DMD: variants seen among roughly 807,000 people sequenced by gnomAD.
DMD encodes the protein dystrophin.
Under a neutral mutation model 330.1 loss-of-function variants are expected in DMD, and 63 were observed. The ratio of observed to expected loss-of-function variants is 0.19; its 90% CI spans 0.16 to 0.24. DMD has a LOEUF of 0.24. Among genes scored for constraint, DMD ranks in the 10% least tolerant of loss-of-function variants. The pLI is 1.00. For synonymous variants in DMD, 1,223 were observed against 959.8 expected (o/e 1.27, Z -5.07); for missense variants, 3,344 against 2,684.1 (o/e 1.25, Z -5.43).
At position 31,718,798 on chromosome X, in the gene DMD, C is replaced by T. The variant is rs150695377; in HGVS notation, c.7660+10833G>A. On this transcript the variant is annotated intron_variant, in intron 52 of 78. Transcript: ENST00000357033. ...TTATAGCAGCCTGAGCTTACTAAGA[C>T]ATTAATATTTGTATAGTGAGTAGCC... is the stretch of plus-strand genomic sequence containing the variant. Among the ~76,000 whole-genome samples, 977 of 111,929 alleles carry T rather than the reference C, an allele frequency of 8.7e-3. 5 individuals carry two copies. Among genetic ancestry groups the T allele is most frequent in the Non-Finnish European group, 0.014 (720 of 53,178 alleles).
intron 23 of DMD, among the ~76,000 whole-genome samples, chrX:32,466,874 C>T (rs1240264745): frequency 9.0e-6 from 1 of 111,529 alleles, no homozygotes; most frequent in Non-Finnish European, 1.9e-5. Context: ...TGAGACTAAT[C>T]CTGAACTTTT....
chrX:32,785,154 C>T (rs1209625697), intron 7 of DMD, among the ~76,000 whole-genome samples: 1 of 108,727 alleles, frequency 9.2e-6, no homozygotes, highest in African/African-American at 3.3e-5. Flanking sequence ...TGGAAAAAAT[C>T]TTAGTCTACT....
intron 41 of DMD, among the ~76,000 whole-genome samples, chrX:32,336,033 A>G (rs1363738569): frequency 9.7e-6 from 1 of 103,331 alleles, no homozygotes; most frequent in African/African-American, 3.6e-5. Context: ...ATATAACGTT[A>G]TATATAACGT....
chrX:32,735,519 T>C (rs2068335323), intron 7 of DMD, among the ~76,000 whole-genome samples: 1 of 111,222 alleles, frequency 9.0e-6, no homozygotes, highest in African/African-American at 3.3e-5. Flanking sequence ...CAAACTATAC[T>C]ACAAGGCTGC....
intron 9 of DMD, among the ~76,000 whole-genome samples, chrX:32,649,559 TAAAAAAAAAAAA>T (rs1161462889): frequency 3.7e-5 from 2 of 54,280 alleles, no homozygotes; most frequent in Non-Finnish European, 5.8e-5. Flanking sequence ...CCGTCTCTTT[TAAAAAAAAAAAA>T]AAAAAAAAAA....
intron 51 of DMD, among the ~76,000 whole-genome samples, chrX:31,753,963 A>G (rs752572166): frequency 2.7e-5 from 3 of 111,577 alleles, no homozygotes; most frequent in Non-Finnish European, 5.7e-5. Flanking sequence ...TTTTAAAAAC[A>G]CAATGAGATT....
At chrX:31,845,384 T>TCTCTCTCTCTCTCC (rs1646143147) in intron 48 of DMD, among the ~76,000 whole-genome samples, 2 of 39,786 alleles carry the variant, frequency 5.0e-5, no homozygotes, top group Non-Finnish European at 8.8e-5. Flanking sequence ...AGTCTCTCTC[T>TCTCTCTCTCTCTCC]CTCTCTCTCT....
intron 1 of DMD, among the ~76,000 whole-genome samples, chrX:33,052,909 A>T (rs1392489657): frequency 9.1e-6 from 1 of 110,481 alleles, no homozygotes; most frequent in Non-Finnish European, 1.9e-5. Context: ...GTCTGTATCA[A>T]AATATCTCAT....
chrX:32,524,215 T>C (rs1446458818), intron 17 of DMD, among the ~76,000 whole-genome samples: 1 of 111,720 alleles, frequency 9.0e-6, no homozygotes, highest in Non-Finnish European at 1.9e-5. Flanking sequence ...ATTACAGGCG[T>C]GAGCCACCGC....
At chrX:31,573,896 C>A (rs898277618) in intron 55 of DMD, among the ~76,000 whole-genome samples, 6 of 110,816 alleles carry the variant, frequency 5.4e-5, no homozygotes, top group African/African-American at 2.0e-4. Flanking sequence ...ACATACCAAG[C>A]CTTCACAATA....
chrX:33,096,124 G>A (rs917287205), intron 1 of DMD, among the ~76,000 whole-genome samples: 4 of 108,766 alleles, frequency 3.7e-5, no homozygotes, highest in Non-Finnish European at 7.6e-5. Flanking sequence ...ACAGGCGCCT[G>A]CCACCACGCC....
At chrX:31,784,304 C>T (rs978936394) in intron 50 of DMD, among the ~76,000 whole-genome samples, 1 of 111,697 alleles carries the variant, frequency 9.0e-6, no homozygotes, top group Admixed American at 9.5e-5. Flanking sequence ...GAGATATTAC[C>T]TCACAACCAT....
At position 31,546,919 on chromosome X, in the gene DMD, C is replaced by T. The variant is rs753323197; in HGVS notation, c.8218-39466G>A. Among the ~76,000 whole-genome samples, 10 of 112,439 alleles carry T rather than the reference C, an allele frequency of 8.9e-5. No homozygotes were observed. In the East Asian group the frequency reaches 1.1e-3, roughly 13 times the overall value. ...AATGAAGGAATGAAGAATGAATGAA[C>T]GGCTATTGAAAGATATCAATCTTCA... On this transcript the variant is annotated intron_variant, in intron 55 of 78. Coordinates refer to ENST00000357033, the MANE Select transcript of DMD (RefSeq NM_004006.3).
At chrX:32,295,426 C>T (rs753799846) in intron 42 of DMD, among the ~76,000 whole-genome samples, 2 of 112,023 alleles carry the variant, frequency 1.8e-5, no homozygotes, top group Non-Finnish European at 3.8e-5. Flanking sequence ...AGCCATGTGG[C>T]TTCAATTCAT....
chrX:31,663,506 T>C (rs2081251495), intron 53 of DMD, among the ~76,000 whole-genome samples: 1 of 111,847 alleles, frequency 8.9e-6, no homozygotes, highest in African/African-American at 3.3e-5. Context: ...AATCTCACAG[T>C]AAATGATCCT....
rs892774530 is a variant in DMD, at chrX:32,680,753, C to A, written c.960+17117G>T. On this transcript the variant is annotated intron_variant, in intron 9 of 78. Coordinates refer to ENST00000357033, the MANE Select transcript of DMD (RefSeq NM_004006.3). ...ACATTGTTTGCTGTCTCTCTCCCCCCATCAACTCTCCTTCCACCCACCCCA... is the reference window on the plus strand; with the variant it reads ...ACATTGTTTGCTGTCTCTCTCCCCCAATCAACTCTCCTTCCACCCACCCCA... Among the ~76,000 whole-genome samples, 4 of 110,485 alleles carry A rather than the reference C, an allele frequency of 3.6e-5. No individual in the cohort carries two copies. The East Asian group carries it at 1.1e-3, about 32-fold the overall frequency.
intron 47 of DMD, among the ~76,000 whole-genome samples, chrX:31,910,045 G>A (rs994007053): frequency 3.6e-4 from 41 of 112,363 alleles, no homozygotes; most frequent in African/African-American, 1.1e-3. Context: ...CTGTGCCTTC[G>A]TTGGCAAATG....
intron 60 of DMD, among the ~76,000 whole-genome samples, chrX:31,423,977 G>A (rs1268562041): frequency 9.0e-6 from 1 of 110,828 alleles, no homozygotes; most frequent in Admixed American, 9.7e-5. Context: ...CAGAGAAGAC[G>A]GTAAAGTATC....
chrX:31,623,396 T>G (rs2078668268), intron 55 of DMD, among the ~76,000 whole-genome samples: 1 of 111,211 alleles, frequency 9.0e-6, no homozygotes, highest in Non-Finnish European at 1.9e-5. Context: ...CCTGAGTAGC[T>G]GGGACTACAG....
Sources: allele counts gnomAD v4.1 joint callset (sites outside exome capture counted in the v4.1 genomes callset), GRCh38; gene constraint gnomAD v4.1.1; transcripts MANE v1.5; gene names NCBI Gene and HGNC (gene_info 2026-07-23, HGNC 2026-07-21).